WBP1L: variants seen among roughly 807,000 people sequenced by gnomAD.
WBP1L encodes the protein WW domain binding protein 1 like.
In WBP1L, 17 loss-of-function variants were observed where a neutral mutation model predicts 33.7. The ratio of observed to expected loss-of-function variants is 0.50; its 90% CI spans 0.34 to 0.76. WBP1L has a LOEUF of 0.76. Ranked by LOEUF, WBP1L falls within the 30% of genes least tolerant of loss-of-function variation. The pLI, the probability that WBP1L is intolerant of heterozygous loss-of-function variation, is 0.01. For synonymous variants in WBP1L, 173 were observed against 190.8 expected, an observed-to-expected ratio of 0.91 and a Z score of 0.77; for missense variants, 389 against 469.4, an observed-to-expected ratio of 0.83 and a Z score of 1.58.
intron 1 of WBP1L, among the ~76,000 whole-genome samples, chr10:102,749,766 A>G (rs984077056): frequency 1.3e-5 from 2 of 151,502 alleles, no homozygotes; most frequent in East Asian, 2.0e-4. Context: ...CTGGCCCTCC[A>G]TATTTATTTA....
At chr10:102,762,042 G>A (rs188256442) in intron 1 of WBP1L, among the ~76,000 whole-genome samples, 15 of 151,952 alleles carry the variant, frequency 9.9e-5, no homozygotes, top group African/African-American at 2.2e-4. Context: ...TTATAGAGGC[G>A]GAGTCTCCCT....
At chr10:102,807,575 T>C (rs1205009462) in intron 2 of WBP1L, among the ~76,000 whole-genome samples, 2 of 152,156 alleles carry the variant, frequency 1.3e-5, no homozygotes, top group Non-Finnish European at 2.9e-5. Context: ...GGTTTCACCA[T>C]GTTGGCCAGG....
chr10:102,791,207 C>G (rs866552627), intron 1 of WBP1L, among the ~76,000 whole-genome samples: 1 of 152,208 alleles, frequency 6.6e-6, no homozygotes, highest in Non-Finnish European at 1.5e-5. Flanking sequence ...ATCTCATTTA[C>G]TACTGTGGTT....
intron 1 of WBP1L, among the ~76,000 whole-genome samples, chr10:102,761,531 A>G (rs1037135736): frequency 6.6e-6 from 1 of 151,360 alleles, no homozygotes; most frequent in South Asian, 2.1e-4. Flanking sequence ...ATCTTGGCTC[A>G]TTGCAACCTC....
chr10:102,802,142 T>TCCTTCCTTCCTTCCTTCCTTCCTC (rs1398074966), intron 2 of WBP1L, among the ~76,000 whole-genome samples: 1 of 128,636 alleles, frequency 7.8e-6, no homozygotes, highest in African/African-American at 3.0e-5. Flanking sequence ...CTTCCTTCCT[T>TCCTTCCTTCCTTCCTTCCTTCCTC]CCTCTTTTTG....
intron 1 of WBP1L, among the ~76,000 whole-genome samples, chr10:102,745,133 G>A (rs762916258): frequency 6.6e-6 from 1 of 152,184 alleles, no homozygotes. Context: ...GACGCATAGC[G>A]TAGTGGCAAA....
At chr10:102,808,373 A>T (rs1794361988) in intron 2 of WBP1L, among the ~76,000 whole-genome samples, 1 of 152,170 alleles carries the variant, frequency 6.6e-6, no homozygotes, top group African/African-American at 2.4e-5. Flanking sequence ...TTAAAAAAAA[A>T]ATTTAAAAGC....
intron 1 of WBP1L, among the ~76,000 whole-genome samples, chr10:102,754,243 C>T (rs2134026977): frequency 6.6e-6 from 1 of 152,172 alleles, no homozygotes; most frequent in Non-Finnish European, 1.5e-5. Context: ...TTTCTTTTTC[C>T]CTGGATAATT....
chr10:102,786,056 T>C (rs1274144511), intron 1 of WBP1L, among the ~76,000 whole-genome samples: 2 of 152,268 alleles, frequency 1.3e-5, no homozygotes. Context: ...TTATTCAGGT[T>C]CCTAATAGCA....
chr10:102,763,318 T>C (rs1843067627), intron 1 of WBP1L, among the ~76,000 whole-genome samples: 1 of 151,916 alleles, frequency 6.6e-6, no homozygotes. Flanking sequence ...TATAGGAGAT[T>C]TGGGGTTGAG....
chr10:102,793,910 A>G (rs1266878005), intron 1 of WBP1L, among the ~76,000 whole-genome samples: 1 of 152,130 alleles, frequency 6.6e-6, no homozygotes, highest in Non-Finnish European at 1.5e-5. Context: ...CTGGGACTAC[A>G]GGTGTGCAAC....
At chr10:102,790,442 T>G (rs1288266069) in intron 1 of WBP1L, among the ~76,000 whole-genome samples, 1 of 152,218 alleles carries the variant, frequency 6.6e-6, no homozygotes, top group African/African-American at 2.4e-5. Flanking sequence ...ATTTGTCATC[T>G]TGTTTGTAAT....
At chr10:102,791,662 C>A (rs1047790156) in intron 1 of WBP1L, among the ~76,000 whole-genome samples, 2 of 152,180 alleles carry the variant, frequency 1.3e-5, no homozygotes, top group South Asian at 2.1e-4. Flanking sequence ...AGATTTAGTT[C>A]TTCCTGCAGG....
chr10:102,791,105 G>A (rs1843491209), intron 1 of WBP1L, among the ~76,000 whole-genome samples: 1 of 152,174 alleles, frequency 6.6e-6, no homozygotes, highest in Admixed American at 6.5e-5. Flanking sequence ...GAGGGCGCCA[G>A]CTTTGTACTG....
intron 1 of WBP1L, among the ~76,000 whole-genome samples, chr10:102,769,537 A>C (rs1843160237): frequency 6.6e-6 from 1 of 152,110 alleles, no homozygotes; most frequent in Admixed American, 6.5e-5. Flanking sequence ...CCAACAGTAC[A>C]TCTTTGTTAT....
At chr10:102,773,138 G>A (rs1001328024) in intron 1 of WBP1L, among the ~76,000 whole-genome samples, 3 of 152,080 alleles carry the variant, frequency 2.0e-5, no homozygotes, top group Non-Finnish European at 4.4e-5. Context: ...TGACTCCTTT[G>A]TCACTAGGTT....
At chr10:102,777,657 T>C (rs925344216) in intron 1 of WBP1L, among the ~76,000 whole-genome samples, 3 of 137,152 alleles carry the variant, frequency 2.2e-5, no homozygotes, top group Non-Finnish European at 4.6e-5. Context: ...TTCTGTCTCC[T>C]GGGTTCAAGC....
At position 102,816,055 on chromosome 10, in the gene WBP1L, CAGA is replaced by C. The variant is rs1843938845; in HGVS notation, c.*2728_*2730del. 6.6e-6 allele frequency: 1 copy of C among 152,648 alleles called. No homozygotes were observed. Among genetic ancestry groups the C allele is most frequent in the Non-Finnish European group, 1.5e-5 (1 of 68,044 alleles). 9.5% of individuals were successfully genotyped at this position (152,648 alleles called of 1,614,324 possible). A position where few individuals can be genotyped will look rare whatever the true frequency, so the allele number is the denominator to read the frequency against. The stretch of plus-strand genomic sequence containing the variant: ...TGGAGGGTTTGGTGCTACAGCCAGT[CAGA>C]AGATTTGCAAATGCGAACACATTCC... On this transcript the variant is annotated 3_prime_UTR_variant, in exon 4 of 4. Coordinates refer to ENST00000448841, the MANE Select transcript of WBP1L (RefSeq NM_001083913.2).
chr10:102,813,096 A>G lies in WBP1L; in HGVS notation c.857A>G (p.Asp286Gly), dbSNP rs1406966663. 1 of 1,613,906 alleles carries G rather than the reference A, an allele frequency of 6.2e-7. No individual in the cohort carries two copies. The highest frequency in any genetic ancestry group is 2.2e-5 in the East Asian group (1 of 44,874). Reference protein sequence around the residue: ...CVCNRGHHDDDLKEFNTLIDD... With the variant: ...CVCNRGHHDDGLKEFNTLIDD... ...TGCAACCGGGGCCACCATGACGATG[A>G]CCTCAAAGAGTTCAACACACTCATC... The change falls in exon 4 of 4, where the codon GAC (aspartate) becomes GGC (glycine). Residue 286 changes from aspartate (D) to glycine (G), a missense_variant. By Grantham distance (94) the Asp-to-Gly change is moderately conservative. Coordinates refer to ENST00000448841, the MANE Select transcript of WBP1L (RefSeq NM_001083913.2).
Sources: gnomAD v4.1 joint callset for allele counts (sites outside exome capture counted in the v4.1 genomes callset) on GRCh38, gnomAD v4.1.1 for gene constraint, MANE v1.5 for transcripts, NCBI Gene and HGNC (gene_info 2026-07-23, HGNC 2026-07-21) for gene names.